Variants in OR2L2 observed in about 807,000 individuals in gnomAD.
OR2L2 encodes the protein olfactory receptor 2L2.
For synonymous variants in OR2L2, 156 were observed against 135.4 expected, an observed-to-expected ratio of 1.15 and a Z score of -1.06; for missense variants, 378 against 375.2, an observed-to-expected ratio of 1.01 and a Z score of -0.06.
chr1:248,034,067 GC>G (rs199958242), intron 1 of OR2L2, among the ~76,000 whole-genome samples: 2,285 of 152,240 alleles, frequency 0.015, 53 homozygotes, highest in African/African-American at 0.051. Context: ...CAAATCAGCT[GC>G]AAATAATAAA....
Position 248,040,982 on chromosome 1 carries a change from T to C in OR2L2, c.*1776T>C, listed in dbSNP as rs960071350. 1.3e-5 allele frequency: 2 copies of C among 152,222 alleles called. No individual in the cohort carries two copies. The highest frequency in any genetic ancestry group is 4.8e-5 in the African/African-American group (2 of 41,460). The allele number at this position is 152,222 out of a possible 1,614,324, so 9.4% of individuals were successfully genotyped here. On this transcript the variant is annotated 3_prime_UTR_variant, in exon 3 of 3. Transcript: ENST00000641771. ...ATAATTTAAATTTTGACTTATAGAA[T>C]GGCAAATGTTTATGACTTTCTTCTC...
chr1:248,031,606 A>T (rs1328762449), intron 1 of OR2L2, among the ~76,000 whole-genome samples: 1 of 152,168 alleles, frequency 6.6e-6, no homozygotes, highest in Non-Finnish European at 1.5e-5. Context: ...GCACCACCGC[A>T]GGCAGAGCTG....
Position 248,039,323 on chromosome 1 carries a change from A to T in OR2L2, c.*117A>T, listed in dbSNP as rs1662876141. On this transcript the variant is annotated 3_prime_UTR_variant, in exon 3 of 3. Transcript: ENST00000641771. ...GTCAAACAGAAGTTAATCTAGAAGA[A>T]ATTTGTCTTTTAATTTAGTCTTGAC... is the stretch of plus-strand genomic sequence containing the variant. 1 of 782,274 alleles carries T rather than the reference A, an allele frequency of 1.3e-6. No individual in the cohort carries two copies. Among genetic ancestry groups the T allele is most frequent in the Non-Finnish European group, 1.8e-6 (1 of 545,110 alleles). 48.5% of individuals were successfully genotyped at this position (782,274 alleles called of 1,614,324 possible).
Position 248,039,143 on chromosome 1 carries a change from A to G in OR2L2, c.876A>G (p.Arg292=). 1 of 1,613,856 alleles carries G rather than the reference A, an allele frequency of 6.2e-7. No homozygotes were observed. Among genetic ancestry groups the G allele is most frequent in the African/African-American group, 1.3e-5 (1 of 75,020 alleles). ...PMLNPIIYSL[R]NKEVMGALTQ... is the part of the protein sequence containing the mutation. The stretch of plus-strand genomic sequence containing the variant: ...TCAACCCCATCATCTACAGCCTGAG[A>G]AACAAGGAGGTGATGGGGGCCCTGA... Residue 292 remains arginine (R), a synonymous_variant, in exon 3 of 3, where the codon AGA becomes AGG. Coordinates refer to ENST00000641771, the MANE Select transcript of OR2L2 (RefSeq NM_001385855.1).
rs775688685 is a variant in OR2L2 at position 248,038,624 on chromosome 1, T to C, written c.357T>C (p.Tyr119=). The change falls in exon 3 of 3, where the codon TAT becomes TAC. Residue 119 remains tyrosine (Y), a synonymous_variant. Transcript: ENST00000641771. ...AEGLLLTSMA[Y]DRYVAICFPL... ...GGCTGCTCCTGACATCAATGGCCTA[T>C]GATCGTTATGTGGCCATTTGCTTTC... 9.9e-6 allele frequency: 16 copies of C among 1,614,000 alleles called. No individual in the cohort carries two copies. In the Admixed American group the frequency reaches 2.5e-4, roughly 25 times the overall value.
Position 248,038,247 on chromosome 1 carries a change from G to A in OR2L2, c.-21G>A, listed in dbSNP as rs751847766. On this transcript the variant is annotated splice_region_variant and 5_prime_UTR_variant, in exon 3 of 3. Coordinates refer to ENST00000641771, the MANE Select transcript of OR2L2 (RefSeq NM_001385855.1). The stretch of plus-strand genomic sequence containing the variant: ...AATTTACCCTTTTGTCTCCCTTCAG[G>A]ATGGATTGTAGGAATTCCCCATGGA... 5 of 1,527,004 alleles carry A rather than the reference G, an allele frequency of 3.3e-6. No individual in the cohort carries two copies. Among genetic ancestry groups the A allele is most frequent in the Non-Finnish European group, 4.5e-6 (5 of 1,109,836 alleles). 94.6% of individuals were successfully genotyped at this position (1,527,004 alleles called of 1,614,324 possible).
At position 248,038,783 on chromosome 1, in the gene OR2L2, C is replaced by T. The variant is rs1480793980; in HGVS notation, c.516C>T (p.Ala172=). ...GTATCCCATATTGCAAGTCCAGAGC[C>T]ATCAATCATTTTTTCTGTGATGTTC... The part of the protein sequence containing the change: ...ALCIPYCKSR[A]INHFFCDVPA... The change falls in exon 3 of 3, where the codon GCC becomes GCT. Residue 172 remains alanine, a synonymous_variant. Transcript: ENST00000641771. The T allele has an allele frequency of 6.2e-7, 1 of 1,614,044 alleles. No homozygotes were observed. Among genetic ancestry groups the T allele is most frequent in the Non-Finnish European group, 8.5e-7 (1 of 1,180,042 alleles).
At chr1:248,031,081 T>A (rs2103087725) in intron 1 of OR2L2, among the ~76,000 whole-genome samples, 1 of 152,294 alleles carries the variant, frequency 6.6e-6, no homozygotes, top group African/African-American at 2.4e-5. Context: ...TTTTGGTGGA[T>A]AAAAAACTAA....
In OR2L2 at chr1:248,039,658, T is replaced by C. The variant is rs566517783; in HGVS notation, c.*452T>C. ...TGGGCAACAGGGTTTCATTAACATG[T>C]AGAAATCAAAACAATAAAGGTCCAA... On this transcript the variant is annotated 3_prime_UTR_variant, in exon 3 of 3. Transcript: ENST00000641771. 2 of 153,796 alleles carry C rather than the reference T, an allele frequency of 1.3e-5. No homozygotes were observed. Among genetic ancestry groups the C allele is most frequent in the African/African-American group, 4.8e-5 (2 of 41,536 alleles). 9.5% of individuals were successfully genotyped at this position (153,796 alleles called of 1,614,324 possible). A position where few individuals can be genotyped will look rare whatever the true frequency, so the allele number is the denominator to read the frequency against.
Position 248,038,852 on chromosome 1 carries a change from G to C in OR2L2, c.585G>C (p.Glu195Asp). 6.2e-7 allele frequency: 1 copy of C among 1,614,152 alleles called. No homozygotes were observed. The highest frequency in any genetic ancestry group is 8.5e-7 in the Non-Finnish European group (1 of 1,180,024). Reference protein sequence around the residue: ...TLACTDTWVYESTVFLSSTIF... With the variant: ...TLACTDTWVYDSTVFLSSTIF... Reference sequence around the variant, plus strand: ...CCTGCACAGACACTTGGGTCTATGAGAGCACAGTGTTTTTGAGCAGCACCA... The same window carrying C: ...CCTGCACAGACACTTGGGTCTATGACAGCACAGTGTTTTTGAGCAGCACCA... Residue 195 changes from glutamate to aspartate, a missense_variant, in exon 3 of 3, where the codon GAG becomes GAC. Coordinates refer to ENST00000641771, the MANE Select transcript of OR2L2 (RefSeq NM_001385855.1).
At chr1:248,031,271 A>G (rs1662613053) in intron 1 of OR2L2, among the ~76,000 whole-genome samples, 1 of 152,228 alleles carries the variant, frequency 6.6e-6, no homozygotes, top group Admixed American at 6.5e-5. Context: ...ATATGGTAGA[A>G]TTAGAGCCTT....
chr1:248,035,625 G>A lies in OR2L2; in HGVS notation c.-22+1G>A, dbSNP rs1057390043. On this transcript the variant is annotated splice_donor_variant, in intron 2 of 2. Coordinates refer to ENST00000641771, the MANE Select transcript of OR2L2 (RefSeq NM_001385855.1). LOFTEE classifies it low-confidence loss of function (5UTR_SPLICE). Reference sequence around the variant, plus strand: ...TAACAGACCCTTCCTGAACCCAAAGGTAAGGACTTCAAATTTTCTTACCAG... The same window carrying A: ...TAACAGACCCTTCCTGAACCCAAAGATAAGGACTTCAAATTTTCTTACCAG... The A allele has an allele frequency of 1.3e-5, 2 of 152,162 alleles. No homozygotes were observed. Among genetic ancestry groups the A allele is most frequent in the East Asian group, 3.9e-4 (2 of 5,176 alleles). 9.4% of individuals were successfully genotyped at this position (152,162 alleles called of 1,614,324 possible).
chr1:248,031,138 C>A (rs571448511), intron 1 of OR2L2, among the ~76,000 whole-genome samples: 3 of 152,116 alleles, frequency 2.0e-5, no homozygotes, highest in Non-Finnish European at 4.4e-5. Flanking sequence ...AAAAAATGTC[C>A]TCTTCACATT....
In OR2L2 at chr1:248,041,469, A is replaced by G. The variant is rs924765357; in HGVS notation, c.*2263A>G. On this transcript the variant is annotated 3_prime_UTR_variant, in exon 3 of 3. Coordinates refer to ENST00000641771, the MANE Select transcript of OR2L2 (RefSeq NM_001385855.1). Reference sequence around the variant, plus strand: ...CATGGGCAAGGACTTCATGTCTAAAATACCAAAAGCAATGGCAACAAAAGC... The same window carrying G: ...CATGGGCAAGGACTTCATGTCTAAAGTACCAAAAGCAATGGCAACAAAAGC... The G allele has an allele frequency of 1.4e-4, 21 of 152,208 alleles. No individual in the cohort carries two copies. The highest frequency in any genetic ancestry group is 4.6e-4 in the African/African-American group (19 of 41,432). 9.4% of individuals were successfully genotyped at this position (152,208 alleles called of 1,614,324 possible).
rs1662911226 is a variant in OR2L2, at chr1:248,040,186, A to G, written c.*980A>G. 6.6e-6 allele frequency: 1 copy of G among 152,180 alleles called. No individual in the cohort carries two copies. The highest frequency in any genetic ancestry group is 2.4e-5 in the African/African-American group (1 of 41,430). 9.4% of individuals were successfully genotyped at this position (152,180 alleles called of 1,614,324 possible). A position where few individuals can be genotyped will look rare whatever the true frequency, so the allele number is the denominator to read the frequency against. On this transcript the variant is annotated 3_prime_UTR_variant, in exon 3 of 3. Coordinates refer to ENST00000641771, the MANE Select transcript of OR2L2 (RefSeq NM_001385855.1). ...TTGGGATCAGCTCCTCTGCTCCACTATTTTTATACCTGCTTAGGCATGTGC... is the reference window on the plus strand; with the variant it reads ...TTGGGATCAGCTCCTCTGCTCCACTGTTTTTATACCTGCTTAGGCATGTGC...
rs1037425306 is a variant in OR2L2, at chr1:248,041,994, C to T, written c.*2788C>T. ...TAGAAATACCATTTGACCCAACCAT[C>T]CCATTACTGGGTATATAACCAAAGG... is the stretch of plus-strand genomic sequence containing the variant. On this transcript the variant is annotated 3_prime_UTR_variant, in exon 3 of 3. Transcript: ENST00000641771. 1.3e-5 allele frequency: 2 copies of T among 152,156 alleles called. No homozygotes were observed. Among genetic ancestry groups the T allele is most frequent in the African/African-American group, 4.8e-5 (2 of 41,432 alleles). The allele number at this position is 152,156 out of a possible 1,614,324, so 9.4% of individuals were successfully genotyped here.
intron 1 of OR2L2, among the ~76,000 whole-genome samples, chr1:248,031,883 A>T (rs1662630627): frequency 6.6e-6 from 1 of 152,136 alleles, no homozygotes; most frequent in East Asian, 1.9e-4. Context: ...ATGAGATCTG[A>T]TGTGTCATTT....
At chr1:248,036,170 C>A (rs1662754676) in intron 2 of OR2L2, among the ~76,000 whole-genome samples, 1 of 151,968 alleles carries the variant, frequency 6.6e-6, no homozygotes. Context: ...ATGTGCATTT[C>A]TGGGAATGCC....
rs746095999 is a variant in OR2L2, at chr1:248,038,861, GT to G, written c.599del (p.Leu200Ter). ...TDTWVYESTV[F>X]LSSTIFLVLP... Reference sequence around the variant, plus strand: ...ACACTTGGGTCTATGAGAGCACAGTGTTTTTGAGCAGCACCATCTTTCTTGT... The same window carrying G: ...ACACTTGGGTCTATGAGAGCACAGTGTTTTGAGCAGCACCATCTTTCTTGT... On this transcript the variant is annotated frameshift_variant, in exon 3 of 3. Transcript: ENST00000641771. LOFTEE classifies it low-confidence loss of function (END_TRUNC). The G allele has an allele frequency of 2.4e-5, 38 of 1,614,048 alleles. No homozygotes were observed. The African/African-American group carries it at 4.1e-4, about 18-fold the overall frequency.
Sources: gnomAD v4.1 joint callset for allele counts (sites outside exome capture counted in the v4.1 genomes callset) on GRCh38, gnomAD v4.1.1 for gene constraint, MANE v1.5 for transcripts, NCBI Gene and HGNC (gene_info 2026-07-23, HGNC 2026-07-21) for gene names.